The following NEK2 variants were observed in gnomAD, a reference collection of about 807,000 sequenced individuals.
NEK2 encodes the protein serine/threonine-protein kinase Nek2.
Under a neutral mutation model 54.1 loss-of-function variants are expected in NEK2, and 28 were observed. The ratio of observed to expected loss-of-function variants is 0.52; its 90% CI spans 0.38 to 0.71. The LOEUF is 0.71. Ranked by LOEUF, NEK2 falls within the 30% of genes least tolerant of loss-of-function variation. The pLI is 0.00. For synonymous variants in NEK2, 176 were observed against 193.1 expected (o/e 0.91, Z 0.73); for missense variants, 407 against 531.5 (o/e 0.77, Z 2.30).
At position 211,663,384 on chromosome 1, in the gene NEK2, T is replaced by C. The variant is rs1307311691; in HGVS notation, c.*42A>G. 7 of 1,570,166 alleles carry C rather than the reference T, an allele frequency of 4.5e-6. No homozygotes were observed. The highest frequency in any genetic ancestry group is 2.7e-5 in the African/African-American group (2 of 74,006). ...TTGAATATCAGTCTTTAAAGGTTGG[T>C]AATATTACATCCTGTACACAGCTCT... On this transcript the variant is annotated 3_prime_UTR_variant, in exon 8 of 8. Transcript: ENST00000366999.
At chr1:211,659,816 A>AC (rs1052203900), downstream of NEK2, among the ~76,000 whole-genome samples, 2 of 70,044 alleles carry the variant, frequency 2.9e-5, no homozygotes, top group South Asian at 6.1e-4. Context: ...CTCTTCCCCC[A>AC]CCCCCCACCC....
downstream of NEK2, chr1:211,660,531 C>T: frequency 1.6e-6 from 1 of 640,414 alleles, no homozygotes; most frequent in South Asian, 1.4e-5. Context: ...AGTGATCATC[C>T]TGAATCTTAA....
At chr1:211,669,685 A>T (rs1370274728) in intron 5 of NEK2, among the ~76,000 whole-genome samples, 1 of 152,214 alleles carries the variant, frequency 6.6e-6, no homozygotes, top group Non-Finnish European at 1.5e-5. Flanking sequence ...TACATTTAGC[A>T]AGATACTCTC....
intron 6 of NEK2, among the ~76,000 whole-genome samples, chr1:211,668,144 A>G (rs1482180078): frequency 6.6e-6 from 1 of 152,202 alleles, no homozygotes; most frequent in Admixed American, 6.5e-5. Flanking sequence ...TATAGGTTGT[A>G]CCTATACAGT....
intron 7 of NEK2, 41 bp downstream of exon 7, chr1:211,667,065 T>G (rs758811436): frequency 6.2e-7 from 1 of 1,612,450 alleles, no homozygotes; most frequent in Non-Finnish European, 8.5e-7. Flanking sequence ...CATTTCTTCA[T>G]TTGTAGCACC....
intron 4 of NEK2, 23 bp downstream of exon 4, chr1:211,671,179 G>A: frequency 6.4e-7 from 1 of 1,573,990 alleles, no homozygotes. Context: ...CTTAGACTAG[G>A]AATCTGTCTT....
At chr1:211,659,910 C>T (rs1242191105), downstream of NEK2, among the ~76,000 whole-genome samples, 2 of 150,644 alleles carry the variant, frequency 1.3e-5, no homozygotes, top group Non-Finnish European at 2.9e-5. Context: ...CAGCCTCCAC[C>T]TCCCGGGCTC....
At position 211,663,338 on chromosome 1, in the gene NEK2, A is replaced by G; in HGVS notation, c.*88T>C. On this transcript the variant is annotated 3_prime_UTR_variant, in exon 8 of 8. Coordinates refer to ENST00000366999, the MANE Select transcript of NEK2 (RefSeq NM_002497.4). The stretch of plus-strand genomic sequence containing the variant: ...ACAGAAAGGCATGGCTCATGGAACC[A>G]AGTATTCAACACTACAGCATTTGAA... The G allele has an allele frequency of 6.6e-7, 1 of 1,515,582 alleles. No individual in the cohort carries two copies. The highest frequency in any genetic ancestry group is 8.9e-7 in the Non-Finnish European group (1 of 1,127,784). The allele number at this position is 1,515,582 out of a possible 1,614,324, so 93.9% of individuals were successfully genotyped here. A position where few individuals can be genotyped will look rare whatever the true frequency, so the allele number is the denominator to read the frequency against.
chr1:211,673,388 T>C, intron 3 of NEK2, 95 bp downstream of exon 3: 1 of 1,499,246 alleles, frequency 6.7e-7, no homozygotes, highest in Non-Finnish European at 9.1e-7. Context: ...CACTCCAGCC[T>C]GGGCAACAGA....
intron 7 of NEK2, among the ~76,000 whole-genome samples, chr1:211,664,926 C>T (rs759662878): frequency 8.5e-5 from 13 of 152,290 alleles, no homozygotes; most frequent in Non-Finnish European, 1.3e-4. Flanking sequence ...CAGCCTTGGA[C>T]GCCTCGGCTT....
chr1:211,666,673 T>A (rs555470620), intron 7 of NEK2: 2 of 251,088 alleles, frequency 8.0e-6, no homozygotes, highest in African/African-American at 4.6e-5. Context: ...GTGGCGGGTG[T>A]CTGTAGTCCC....
At chr1:211,661,504 G>A (rs1407849836), downstream of NEK2, among the ~76,000 whole-genome samples, 2 of 152,194 alleles carry the variant, frequency 1.3e-5, no homozygotes, top group Non-Finnish European at 2.9e-5. Flanking sequence ...CTTCTGCAAA[G>A]TGCAGCAAAT....
Position 211,667,305 on chromosome 1 carries a change from A to G in NEK2, c.986-74T>C, listed in dbSNP as rs1245334344. On this transcript the variant is annotated intron_variant, in intron 6 of 7. Coordinates refer to ENST00000366999, the MANE Select transcript of NEK2 (RefSeq NM_002497.4). ...ACTAAAAAACAATTTACATTTGGCAATCTTATCACTACTAGCATGCCTGAT... is the reference window on the plus strand; with the variant it reads ...ACTAAAAAACAATTTACATTTGGCAGTCTTATCACTACTAGCATGCCTGAT... 7 of 1,430,234 alleles carry G rather than the reference A, an allele frequency of 4.9e-6. No individual in the cohort carries two copies. In the African/African-American group the frequency reaches 5.7e-5, roughly 12 times the overall value. The allele number at this position is 1,430,234 out of a possible 1,614,324, so 88.6% of individuals were successfully genotyped here.
In NEK2 at chr1:211,675,560, G is replaced by T. The variant is rs923762159; in HGVS notation, c.-81C>A. On this transcript the variant is annotated 5_prime_UTR_variant, in exon 1 of 8. Transcript: ENST00000366999. ...GAGCTCCAGGGACCAGGAACTCCAG[G>T]GACCTGGATGGAGAAGCCCCCGAGC... The T allele has an allele frequency of 8.5e-7, 1 of 1,174,270 alleles. No individual in the cohort carries two copies. The highest frequency in any genetic ancestry group is 1.8e-5 in the Admixed American group (1 of 55,040). The allele number at this position is 1,174,270 out of a possible 1,614,324, so 72.7% of individuals were successfully genotyped here.
intron 3 of NEK2, among the ~76,000 whole-genome samples, chr1:211,671,531 A>C (rs1655392511): frequency 6.6e-6 from 1 of 152,258 alleles, no homozygotes; most frequent in Admixed American, 6.5e-5. Flanking sequence ...AGGCACTGAC[A>C]ATACAGAGGT....
intron 6 of NEK2, among the ~76,000 whole-genome samples, chr1:211,668,839 A>G (rs1171036841): frequency 6.6e-6 from 1 of 152,186 alleles, no homozygotes; most frequent in Non-Finnish European, 1.5e-5. Context: ...GTAACTCTAG[A>G]GTAAAATACA....
In NEK2 at chr1:211,663,161, C is replaced by A; in HGVS notation, c.*265G>T. On this transcript the variant is annotated 3_prime_UTR_variant, in exon 8 of 8. Coordinates refer to ENST00000366999, the MANE Select transcript of NEK2 (RefSeq NM_002497.4). ...TAGAATGTCACATCTCATGTTCCTACTAGTAATCACACACAGGATTAAAAG... is the reference window on the plus strand; with the variant it reads ...TAGAATGTCACATCTCATGTTCCTAATAGTAATCACACACAGGATTAAAAG... The A allele has an allele frequency of 8.2e-7, 1 of 1,219,650 alleles. No individual in the cohort carries two copies. The highest frequency in any genetic ancestry group is 1.0e-6 in the Non-Finnish European group (1 of 976,764). The allele number at this position is 1,219,650 out of a possible 1,614,324, so 75.6% of individuals were successfully genotyped here.
downstream of NEK2, chr1:211,661,382 GA>G: frequency 1.3e-5 from 4 of 319,026 alleles, no homozygotes; most frequent in East Asian, 6.7e-5. Flanking sequence ...GGGCTGAATG[GA>G]AAAAAAACAA....
chr1:211,669,145 C>T lies in NEK2; in HGVS notation c.953G>A (p.Arg318Gln), dbSNP rs753485254. The change falls in exon 6 of 8, where the codon CGA (arginine) becomes CAA (glutamine). Residue 318 changes from arginine (R) to glutamine (Q), a missense_variant. Coordinates refer to ENST00000366999, the MANE Select transcript of NEK2 (RefSeq NM_002497.4). ...LKEIQLQERE[R>Q]ALKAREERLE... ...TCTTTCTTCTCTTGCTTTGAGAGCT[C>T]GCTCTCGCTCCTGTAACTGAATTTC... 1.3e-5 allele frequency: 21 copies of T among 1,613,818 alleles called. No individual in the cohort carries two copies. The East Asian group carries it at 2.0e-4, about 15-fold the overall frequency.
Sources: gnomAD v4.1 joint callset for allele counts (sites outside exome capture counted in the v4.1 genomes callset) on GRCh38, gnomAD v4.1.1 for gene constraint, MANE v1.5 for transcripts, NCBI Gene and HGNC (gene_info 2026-07-23, HGNC 2026-07-21) for gene names.